USH2A: variants seen among roughly 807,000 people sequenced by gnomAD.
USH2A encodes Usher syndrome 2A (autosomal recessive, mild).
In USH2A, 443 loss-of-function variants were observed where a neutral mutation model predicts 538.9. That is an observed-to-expected ratio of 0.82 (90% confidence interval 0.76 to 0.89). The LOEUF (loss-of-function observed/expected upper bound fraction) is 0.89, where lower values mean the gene tolerates loss of function less well. Ranked by LOEUF, USH2A falls within the 40% of genes least tolerant of loss-of-function variation. USH2A has a pLI of 0.00. For missense variants in USH2A, 6,633 were observed against 6,324.8 expected (o/e 1.05, Z -1.65); for synonymous variants, 2,413 against 2,273.5 (o/e 1.06, Z -1.75).
chr1:216,278,656 A>G (rs1166074400), intron 11 of USH2A, among the ~76,000 whole-genome samples: 1 of 152,182 alleles, frequency 6.6e-6, no homozygotes, highest in Non-Finnish European at 1.5e-5. Flanking sequence ...ATATCCATGG[A>G]TCATACTATT....
In USH2A at chr1:215,721,834, C is replaced by T. The variant is rs138516635; in HGVS notation, c.12066+6196G>A. ...ATTCCAACACTTTGGGACGCCGCAG[C>T]GGGAGGATCTCTTGAGGCCGGGAAT... is the stretch of plus-strand genomic sequence containing the variant. On this transcript the variant is annotated intron_variant, in intron 61 of 71. Coordinates refer to ENST00000307340, the MANE Select transcript of USH2A (RefSeq NM_206933.4). 2.5e-3 allele frequency among the ~76,000 whole-genome samples: 387 copies of T among 152,182 alleles called. 2 individuals carry two copies. Among genetic ancestry groups the T allele is most frequent in the Non-Finnish European group, 4.9e-3 (335 of 68,002 alleles).
At chr1:215,709,950 A>G (rs1418300759) in intron 61 of USH2A, among the ~76,000 whole-genome samples, 2 of 152,230 alleles carry the variant, frequency 1.3e-5, no homozygotes, top group African/African-American at 2.4e-5. Flanking sequence ...AGTGAAGAAG[A>G]CCGATGCACA....
intron 32 of USH2A, among the ~76,000 whole-genome samples, chr1:216,027,961 C>T (rs184025611): frequency 1.3e-5 from 2 of 152,284 alleles, no homozygotes; most frequent in East Asian, 3.9e-4. Flanking sequence ...CACCAAAATT[C>T]TAGTCCTAGC....
chr1:215,658,680 G>C (rs1408255984), intron 64 of USH2A, among the ~76,000 whole-genome samples: 2 of 152,182 alleles, frequency 1.3e-5, no homozygotes, highest in East Asian at 3.9e-4. Context: ...AAGTGAGACA[G>C]GGGAAACTAT....
At chr1:215,904,654 A>T (rs1436870638) in intron 38 of USH2A, among the ~76,000 whole-genome samples, 1 of 152,050 alleles carries the variant, frequency 6.6e-6, no homozygotes, top group Non-Finnish European at 1.5e-5. Flanking sequence ...CTGTTGCTCA[A>T]AGAACTTCTC....
Position 215,868,565 on chromosome 1 carries a change from A to G in USH2A, c.8682-1395T>C, listed in dbSNP as rs140729683. On this transcript the variant is annotated intron_variant, in intron 43 of 71. Transcript: ENST00000307340. Reference sequence around the variant, plus strand: ...TGTCTGCTGTAGTGGGTTGAACTGTATCTTTCAAAAAGATATTTTCAAGCC... The same window carrying G: ...TGTCTGCTGTAGTGGGTTGAACTGTGTCTTTCAAAAAGATATTTTCAAGCC... Among the ~76,000 whole-genome samples the G allele has an allele frequency of 4.3e-3, 648 of 152,272 alleles. 4 individuals carry two copies. Among genetic ancestry groups the G allele is most frequent in the African/African-American group, 0.015 (619 of 41,536 alleles).
chr1:216,223,978 T>C (rs1451727777), intron 14 of USH2A, among the ~76,000 whole-genome samples: 1 of 152,182 alleles, frequency 6.6e-6, no homozygotes, highest in Non-Finnish European at 1.5e-5. Context: ...TATTTTATGC[T>C]CCAGAAGTCT....
chr1:216,027,748 C>T (rs1014203260), intron 32 of USH2A, among the ~76,000 whole-genome samples: 6 of 152,062 alleles, frequency 3.9e-5, no homozygotes, highest in Non-Finnish European at 8.8e-5. Context: ...ATTTTAAAAA[C>T]TGAAGTTAAC....
rs139080830 is a variant in USH2A, at chr1:216,068,179, C to T, written c.6049+1922G>A. Among the ~76,000 whole-genome samples the T allele has an allele frequency of 2.2e-3, 330 of 152,080 alleles. 1 individual carries two copies. Among genetic ancestry groups the T allele is most frequent in the African/African-American group, 7.1e-3 (294 of 41,478 alleles). On this transcript the variant is annotated intron_variant, in intron 30 of 71. Transcript: ENST00000307340. Reference sequence around the variant, plus strand: ...TGTAAACATGGCAGTTTTTGGTGCTCGTCACGAAAGTAATGAGCAGAAGCC... The same window carrying T: ...TGTAAACATGGCAGTTTTTGGTGCTTGTCACGAAAGTAATGAGCAGAAGCC...
intron 67 of USH2A, 105 bp downstream of exon 67, chr1:215,647,417 C>A: frequency 2.3e-6 from 3 of 1,322,038 alleles, no homozygotes; most frequent in Non-Finnish European, 2.2e-6. Flanking sequence ...TGTTATTGAG[C>A]CCACTCAATC....
chr1:216,330,457 T>C (rs903288581), intron 4 of USH2A, among the ~76,000 whole-genome samples: 2 of 151,880 alleles, frequency 1.3e-5, no homozygotes, highest in African/African-American at 4.8e-5. Context: ...CATACGTATA[T>C]CTAGGGGCAA....
At chr1:215,792,913 G>A (rs1301987087) in intron 50 of USH2A, among the ~76,000 whole-genome samples, 1 of 152,198 alleles carries the variant, frequency 6.6e-6, no homozygotes, top group Non-Finnish European at 1.5e-5. Context: ...AAAAGGTGGA[G>A]TGTGTCTTTG....
rs372661792 is a variant in USH2A, at chr1:216,145,801, C to T, written c.4627+29451G>A. Among the ~76,000 whole-genome samples the T allele has an allele frequency of 7.1e-3, 1,084 of 152,240 alleles. 9 individuals are homozygous for T. The highest frequency in any genetic ancestry group is 0.024 in the South Asian group (117 of 4,828). ...ATGACATTACCTCGTGAAAGTCCTT[C>T]TCCTGGCTCATCCTGGCTCAAAAAG... On this transcript the variant is annotated intron_variant, in intron 21 of 71. Transcript: ENST00000307340.
chr1:215,853,126 T>C (rs1025365456), intron 44 of USH2A, among the ~76,000 whole-genome samples: 7 of 152,236 alleles, frequency 4.6e-5, no homozygotes, highest in African/African-American at 1.7e-4. Flanking sequence ...AACTTCTATC[T>C]GGATATCCAG....
chr1:216,247,873 C>T (rs1410780494), intron 12 of USH2A, among the ~76,000 whole-genome samples: 1 of 151,980 alleles, frequency 6.6e-6, no homozygotes, highest in Non-Finnish European at 1.5e-5. Flanking sequence ...ATCATGTTGT[C>T]TGCCATAAAT....
chr1:216,292,545 T>A (rs954390756), intron 9 of USH2A, among the ~76,000 whole-genome samples, 175 bp from the exon 10 acceptor site: 1 of 152,126 alleles, frequency 6.6e-6, no homozygotes, highest in African/African-American at 2.4e-5. Context: ...ACGGGCATGG[T>A]AGGGTGGAAT....
chr1:215,902,412 A>G (rs1314280004), intron 38 of USH2A, among the ~76,000 whole-genome samples: 1 of 152,122 alleles, frequency 6.6e-6, no homozygotes, highest in Non-Finnish European at 1.5e-5. Flanking sequence ...TGTTCAATAA[A>G]CATTTATTAA....
intron 9 of USH2A, among the ~76,000 whole-genome samples, chr1:216,304,988 TG>T (rs1289390713): frequency 8.5e-5 from 13 of 152,182 alleles, no homozygotes; most frequent in Non-Finnish European, 1.5e-4. Flanking sequence ...ATGTATATTC[TG>T]CAGTTGTTGG....
intron 37 of USH2A, among the ~76,000 whole-genome samples, chr1:215,963,048 C>G (rs1667240535): frequency 6.6e-6 from 1 of 152,082 alleles, no homozygotes; most frequent in East Asian, 1.9e-4. Context: ...CTGAATTTCC[C>G]TATCTTATAA....
Sources: gnomAD v4.1 joint callset for allele counts (sites outside exome capture counted in the v4.1 genomes callset) on GRCh38, gnomAD v4.1.1 for gene constraint, MANE v1.5 for transcripts, NCBI Gene and HGNC (gene_info 2026-07-23, HGNC 2026-07-21) for gene names.